The following SIK3 variants were observed in gnomAD, a reference collection of about 807,000 sequenced individuals.
SIK3 encodes serine/threonine-protein kinase SIK3.
A neutral mutation model predicts 144.2 loss-of-function variants in SIK3; 28 were observed. The observed-to-expected ratio is 0.19, with a 90% CI of 0.14 to 0.27. The LOEUF is 0.27. Among genes scored for constraint, SIK3 ranks in the 10% least tolerant of loss-of-function variants. The pLI, the probability that SIK3 is intolerant of heterozygous loss-of-function variation, is 1.00. For synonymous variants in SIK3, 686 were observed against 676.3 expected, an observed-to-expected ratio of 1.01 and a Z score of -0.22; for missense variants, 1,319 against 1,776.0, an observed-to-expected ratio of 0.74 and a Z score of 4.62.
In SIK3 at chr11:116,855,083, C is replaced by CAAAAAAAAAAAAA. The variant is rs528405922; in HGVS notation, c.3655+2714_3655+2726dup. On this transcript the variant is annotated intron_variant, in intron 21 of 24. Coordinates refer to ENST00000445177, the MANE Select transcript of SIK3 (RefSeq NM_001366686.3). ...CATGGGTGACAGTGTGAGACTCTGC[C>CAAAAAAAAAAAAA]AAAAAAAAAAAAAAAAAAAAAAAAA... Among the ~76,000 whole-genome samples, 311 of 82,068 alleles carry CAAAAAAAAAAAAA rather than the reference C, an allele frequency of 3.8e-3. 35 individuals carry two copies. The highest frequency in any genetic ancestry group is 0.017 in the African/African-American group (242 of 13,884). 53.8% of individuals were successfully genotyped at this position (82,068 alleles called of 152,430 possible).
chr11:116,916,644 G>A (rs1335135546), intron 4 of SIK3, among the ~76,000 whole-genome samples: 1 of 151,556 alleles, frequency 6.6e-6, no homozygotes, highest in African/African-American at 2.4e-5. Flanking sequence ...CTGAGTAGCT[G>A]GGACTACAGG....
At chr11:116,877,467 T>G (rs1223292162) in intron 6 of SIK3, among the ~76,000 whole-genome samples, 1 of 152,252 alleles carries the variant, frequency 6.6e-6, no homozygotes, top group Admixed American at 6.5e-5. Context: ...ACTAATGCTT[T>G]TGGCTTAGGT....
chr11:116,887,471 G>A (rs1944884212), intron 6 of SIK3, among the ~76,000 whole-genome samples: 1 of 151,936 alleles, frequency 6.6e-6, no homozygotes, highest in Non-Finnish European at 1.5e-5. Context: ...ACAAAAATTA[G>A]CTGGGTGTGG....
intron 21 of SIK3, among the ~76,000 whole-genome samples, chr11:116,853,098 A>G (rs1942595293): frequency 6.6e-6 from 1 of 152,200 alleles, no homozygotes; most frequent in Admixed American, 6.5e-5. Flanking sequence ...GCTTCTCCTC[A>G]AGGTTCCTGA....
At position 116,858,082 on chromosome 11, in the gene SIK3, G is replaced by A; in HGVS notation, c.3383C>T (p.Pro1128Leu). 4 of 1,613,966 alleles carry A rather than the reference G, an allele frequency of 2.5e-6. No individual in the cohort carries two copies. Among genetic ancestry groups the A allele is most frequent in the Non-Finnish European group, 3.4e-6 (4 of 1,179,902 alleles). ...TGCCGGCTGGTGAGCATACCCGTGG[G>A]GCGGGGTGGGTGAGGAAGCCTGTGA... is the stretch of plus-strand genomic sequence containing the variant. ...CVSQASSPTP[P>L]HGYAHQPALM... The change falls in exon 21 of 25, where the codon CCC (proline) becomes CTC (leucine). Residue 1128 changes from proline (P) to leucine (L), a missense_variant. This residue lies in a region of SIK3 where 646 missense variants were observed against 763.7 expected (regional missense o/e 0.85). Transcript: ENST00000445177. This position sits in a 1 kb window ranked among gnomAD's most constrained non-coding sequence, Gnocchi z 5.4.
intron 14 of SIK3, chr11:116,869,809 C>T (rs1943868911): frequency 3.5e-6 from 1 of 287,806 alleles, no homozygotes; most frequent in African/African-American, 2.2e-5. Context: ...GCATCTGTCC[C>T]TGGCCCGAAT....
chr11:117,012,613 T>G (rs2135688488), intron 1 of SIK3, among the ~76,000 whole-genome samples: 1 of 152,274 alleles, frequency 6.6e-6, no homozygotes, highest in African/African-American at 2.4e-5. Context: ...CTTTCCCATT[T>G]TTCTCCATAC....
At chr11:117,070,900 C>T (rs1160501305) in intron 1 of SIK3, among the ~76,000 whole-genome samples, 1 of 151,604 alleles carries the variant, frequency 6.6e-6, no homozygotes, top group Non-Finnish European at 1.5e-5. Context: ...TTACAGGCCC[C>T]CGCCACCACA....
intron 1 of SIK3, among the ~76,000 whole-genome samples, chr11:117,077,549 G>A (rs1184817322): frequency 6.6e-6 from 1 of 152,106 alleles, no homozygotes; most frequent in Non-Finnish European, 1.5e-5. Context: ...AAACACAAAA[G>A]CCAACTACCT....
Position 117,061,889 on chromosome 11 carries a change from G to A in SIK3, c.273+36254C>T, listed in dbSNP as rs535625209. On this transcript the variant is annotated intron_variant, in intron 1 of 24. Coordinates refer to ENST00000445177, the MANE Select transcript of SIK3 (RefSeq NM_001366686.3). ...CAATTATAATAGTTAATGAAATTTTGAAACATATTCTAAAGATACAGTAAT... is the reference window on the plus strand; with the variant it reads ...CAATTATAATAGTTAATGAAATTTTAAAACATATTCTAAAGATACAGTAAT... Among the ~76,000 whole-genome samples, 6 of 152,164 alleles carry A rather than the reference G, an allele frequency of 3.9e-5. No homozygotes were observed. The South Asian group carries it at 8.3e-4, about 21-fold the overall frequency.
chr11:116,955,074 C>T (rs919022555), intron 2 of SIK3, among the ~76,000 whole-genome samples: 2 of 151,874 alleles, frequency 1.3e-5, no homozygotes. Context: ...TAGTTTTACA[C>T]TTAAATTAAT....
chr11:116,997,729 G>A (rs1282001277), intron 1 of SIK3, among the ~76,000 whole-genome samples: 1 of 152,150 alleles, frequency 6.6e-6, no homozygotes, highest in Non-Finnish European at 1.5e-5. Flanking sequence ...CCCAGAGATG[G>A]CCAAATGTAC....
At chr11:116,947,635 G>C (rs1301314887) in intron 3 of SIK3, among the ~76,000 whole-genome samples, 3 of 147,968 alleles carry the variant, frequency 2.0e-5, no homozygotes, top group African/African-American at 7.5e-5. Flanking sequence ...GCACGATCTC[G>C]GCTCACTGCA....
At chr11:116,958,586 C>T (rs1486283754) in intron 1 of SIK3, among the ~76,000 whole-genome samples, 1 of 152,054 alleles carries the variant, frequency 6.6e-6, no homozygotes, top group African/African-American at 2.4e-5. Context: ...CCAGGTATAA[C>T]AACAGACAGA....
intron 4 of SIK3, among the ~76,000 whole-genome samples, chr11:116,899,189 T>C (rs1043950304): frequency 3.9e-5 from 6 of 152,216 alleles, no homozygotes; most frequent in Admixed American, 3.9e-4. Flanking sequence ...TTTCTACATA[T>C]GGCTAGCCAG....
At chr11:116,985,316 G>A (rs1289433228) in intron 1 of SIK3, among the ~76,000 whole-genome samples, 2 of 152,036 alleles carry the variant, frequency 1.3e-5, no homozygotes, top group Non-Finnish European at 2.9e-5. Flanking sequence ...GCTGGCTGTG[G>A]GTTTGTCAAA....
intron 1 of SIK3, among the ~76,000 whole-genome samples, chr11:117,025,776 A>C (rs1456334930): frequency 1.3e-5 from 2 of 152,114 alleles, no homozygotes; most frequent in African/African-American, 2.4e-5. Context: ...AGCATTATAT[A>C]AATTAAGGTT....
intron 1 of SIK3, among the ~76,000 whole-genome samples, chr11:117,023,737 C>T (rs527293270): frequency 1.4e-4 from 21 of 151,080 alleles, no homozygotes; most frequent in African/African-American, 4.4e-4. Flanking sequence ...AGTGCAGTGG[C>T]GCAATCTCAC....
chr11:117,049,121 A>C (rs1953107322), intron 1 of SIK3, among the ~76,000 whole-genome samples: 1 of 152,132 alleles, frequency 6.6e-6, no homozygotes, highest in Admixed American at 6.5e-5. Context: ...TTTTTTAAAA[A>C]AATACTTCAT....
Sources: gnomAD v4.1 joint callset for allele counts (sites outside exome capture counted in the v4.1 genomes callset) on GRCh38, gnomAD v4.1.1 for gene constraint, gnomAD v4.1.1 regional missense constraint, Gnocchi (gnomAD v3.1) non-coding constraint, MANE v1.5 for transcripts, NCBI Gene and HGNC (gene_info 2026-07-23, HGNC 2026-07-21) for gene names.